CTNNA2: variants seen among roughly 807,000 people sequenced by gnomAD.
CTNNA2 encodes catenin alpha 2, also known as catenin alpha-2.
A neutral mutation model predicts 101.0 loss-of-function variants in CTNNA2; 42 were observed. The ratio of observed to expected loss-of-function variants is 0.42; its 90% confidence interval spans 0.32 to 0.54. The LOEUF is 0.54. CTNNA2 is among the 20% of genes least tolerant of loss of function. The pLI, the probability that CTNNA2 is intolerant of heterozygous loss-of-function variation, is 0.14. For missense variants in CTNNA2, 871 were observed against 1,223.1 expected, an observed-to-expected ratio of 0.71 and a Z score of 4.29; for synonymous variants, 450 against 456.4, an observed-to-expected ratio of 0.99 and a Z score of 0.18.
intron 7 of CTNNA2, among the ~76,000 whole-genome samples, chr2:79,927,892 C>G (rs1687133166): frequency 6.6e-6 from 1 of 152,104 alleles, no homozygotes; most frequent in South Asian, 2.1e-4. Context: ...GCTCTGATAT[C>G]ATGGCCTAGT....
chr2:80,304,907 C>CAAAAAAAAA (rs56174873), intron 7 of CTNNA2, among the ~76,000 whole-genome samples: 1 of 73,842 alleles, frequency 1.4e-5, no homozygotes, highest in African/African-American at 4.8e-5. Flanking sequence ...GTCCATATTT[C>CAAAAAAAAA]AAAAAAAAAA....
intron 2 of CTNNA2, among the ~76,000 whole-genome samples, chr2:79,240,191 A>T (rs1007199182): frequency 6.6e-6 from 1 of 150,758 alleles, no homozygotes; most frequent in African/African-American, 2.4e-5. Context: ...TACAGGCATG[A>T]GCCACCATGC....
rs150575860 is a variant in CTNNA2, at chr2:79,760,031, G to A, written c.298+15449G>A. Among the ~76,000 whole-genome samples the A allele has an allele frequency of 8.7e-4, 132 of 152,208 alleles. 1 individual carries two copies. Among genetic ancestry groups the A allele is most frequent in the African/African-American group, 2.8e-3 (118 of 41,526 alleles). On this transcript the variant is annotated intron_variant, in intron 3 of 18. Transcript: ENST00000402739. ...CATATTCGTTAAGAGTACAGTTTAC[G>A]GAACTAGACAGCCTACATTTGAAAC...
At chr2:80,015,048 C>T (rs1694047590) in intron 7 of CTNNA2, among the ~76,000 whole-genome samples, 1 of 152,102 alleles carries the variant, frequency 6.6e-6, no homozygotes. Context: ...TCAGTGATTC[C>T]GTTATATGGG....
At chr2:79,191,915 G>A (rs1673876865) in intron 1 of CTNNA2, among the ~76,000 whole-genome samples, 1 of 152,230 alleles carries the variant, frequency 6.6e-6, no homozygotes, top group East Asian at 1.9e-4. Context: ...ACGCAGAGAT[G>A]CCTCACACAA....
chr2:79,485,703 T>C (rs936186231), intron 4 of CTNNA2, among the ~76,000 whole-genome samples: 1 of 152,178 alleles, frequency 6.6e-6, no homozygotes, highest in African/African-American at 2.4e-5. Context: ...TTGGACAATA[T>C]CAATGAAGTA....
At chr2:80,474,483 G>A (rs1440090584) in intron 9 of CTNNA2, among the ~76,000 whole-genome samples, 2 of 152,118 alleles carry the variant, frequency 1.3e-5, no homozygotes, top group Non-Finnish European at 2.9e-5. Context: ...CCAGAATTGG[G>A]CAGTTCCTGG....
At chr2:79,771,468 T>TA (rs1673573828) in intron 3 of CTNNA2, among the ~76,000 whole-genome samples, 1 of 152,250 alleles carries the variant, frequency 6.6e-6, no homozygotes, top group Admixed American at 6.5e-5. Context: ...GAAATAATTA[T>TA]ACAACTCACC....
At chr2:79,911,815 A>G (rs983217382) in intron 7 of CTNNA2, among the ~76,000 whole-genome samples, 5 of 152,188 alleles carry the variant, frequency 3.3e-5, no homozygotes, top group African/African-American at 1.2e-4. Flanking sequence ...ATTTAGTTGG[A>G]CTTCACACTT....
intron 7 of CTNNA2, among the ~76,000 whole-genome samples, chr2:80,218,222 T>G (rs752401248): frequency 5.9e-5 from 9 of 152,226 alleles, no homozygotes; most frequent in Non-Finnish European, 1.0e-4. Flanking sequence ...AGAAGTAAAC[T>G]GCTTTGGGCT....
intron 2 of CTNNA2, chr2:79,687,750 A>C: frequency 2.0e-6 from 1 of 489,602 alleles, no homozygotes; most frequent in Non-Finnish European, 3.6e-6. Flanking sequence ...AAGATATCCC[A>C]AAATGCTGAA....
intron 12 of CTNNA2, among the ~76,000 whole-genome samples, chr2:80,560,267 G>A (rs1188588991): frequency 6.6e-6 from 1 of 152,050 alleles, no homozygotes; most frequent in Non-Finnish European, 1.5e-5. Context: ...TGCTTAGAAA[G>A]TATAAAAGGA....
rs139395973 is a variant in CTNNA2 at position 79,658,295 on chromosome 2, A to G, written c.102+6637A>G. Among the ~76,000 whole-genome samples, 396 of 152,114 alleles carry G rather than the reference A, an allele frequency of 2.6e-3. 1 individual carries two copies. Among genetic ancestry groups the G allele is most frequent in the Admixed American group, 4.1e-3 (62 of 15,288 alleles). ...CTTAACCGCTCCTTAAATGTAAAAT[A>G]TAGATAATAATAATTTCTACATCAT... On this transcript the variant is annotated intron_variant, in intron 2 of 18. Transcript: ENST00000402739.
intron 7 of CTNNA2, among the ~76,000 whole-genome samples, chr2:79,936,587 A>G (rs1687809648): frequency 6.6e-6 from 1 of 151,612 alleles, no homozygotes; most frequent in African/African-American, 2.4e-5. Flanking sequence ...CCTCAGTTGT[A>G]GACAGGCTTA....
At chr2:79,267,880 C>A (rs575808922) in intron 2 of CTNNA2, among the ~76,000 whole-genome samples, 3 of 152,160 alleles carry the variant, frequency 2.0e-5, no homozygotes, top group South Asian at 4.2e-4. Context: ...CACAAAGATG[C>A]CCTATAGTAT....
At chr2:80,317,205 G>A (rs1416608276) in intron 7 of CTNNA2, among the ~76,000 whole-genome samples, 1 of 152,116 alleles carries the variant, frequency 6.6e-6, no homozygotes, top group Admixed American at 6.5e-5. Context: ...CACAGGATAT[G>A]CTTTCTTAAA....
chr2:79,935,181 T>A (rs1339232816), intron 7 of CTNNA2, among the ~76,000 whole-genome samples: 1 of 152,166 alleles, frequency 6.6e-6, no homozygotes, highest in Non-Finnish European at 1.5e-5. Context: ...ACTTATTACT[T>A]CTTTTGATTC....
chr2:80,079,639 C>T (rs988120251), intron 7 of CTNNA2, among the ~76,000 whole-genome samples: 1 of 151,846 alleles, frequency 6.6e-6, no homozygotes, highest in Non-Finnish European at 1.5e-5. Flanking sequence ...CGGTGAAACC[C>T]CGTGTCTACT....
intron 3 of CTNNA2, chr2:79,339,743 C>T (rs1321586774): frequency 1.3e-5 from 2 of 152,100 alleles, no homozygotes. Context: ...AGAGTGCTGC[C>T]CCACGCTGCC....
Sources: allele counts gnomAD v4.1 joint callset (sites outside exome capture counted in the v4.1 genomes callset), GRCh38; gene constraint gnomAD v4.1.1; transcripts MANE v1.5; gene names NCBI Gene and HGNC (gene_info 2026-07-23, HGNC 2026-07-21).